The following PAX5 variants were observed in gnomAD, a reference collection of about 807,000 sequenced individuals.
PAX5 encodes paired box protein Pax-5.
Under a neutral mutation model 43.7 loss-of-function variants are expected in PAX5, and 9 were observed. The observed-to-expected ratio is 0.21, with a 90% CI of 0.12 to 0.36. PAX5 has a LOEUF of 0.36. Among genes scored for constraint, PAX5 ranks in the 10% least tolerant of loss-of-function variants. The pLI is 1.00. For synonymous variants in PAX5, 228 were observed against 214.3 expected (o/e 1.06, Z -0.56); for missense variants, 383 against 532.7 (o/e 0.72, Z 2.77).
At chr9:37,019,211 C>T (rs766186042) in intron 2 of PAX5, among the ~76,000 whole-genome samples, 2 of 152,080 alleles carry the variant, frequency 1.3e-5, no homozygotes, top group Non-Finnish European at 2.9e-5. Context: ...TTCTCTTTGT[C>T]TTCTTTTTCT....
chr9:36,928,794 C>T (rs1030526720), intron 6 of PAX5, among the ~76,000 whole-genome samples: 2 of 152,016 alleles, frequency 1.3e-5, no homozygotes, highest in African/African-American at 2.4e-5. Context: ...AACACTTTTA[C>T]GAGGCAAAAA....
Position 36,972,857 on chromosome 9 carries a change from G to A in PAX5, c.605-6133C>T, listed in dbSNP as rs1020616710. ...AGCCTGGCCAACATGGTGAAACCCC[G>A]TCTCTACTAAAAATAGAAAAATTAG... On this transcript the variant is annotated intron_variant, in intron 5 of 9. Transcript: ENST00000358127. Among the ~76,000 whole-genome samples the A allele has an allele frequency of 5.3e-5, 8 of 151,870 alleles. No homozygotes were observed. In the South Asian group the frequency reaches 8.3e-4, roughly 16 times the overall value.
At position 37,012,791 on chromosome 9, in the gene PAX5, T is replaced by C. The variant is rs552024829; in HGVS notation, c.410+2206A>G. ...GGAGTTCACAAACTCACTGGTTTGG[T>C]GTGTTACTTACGTTTTTCTAACATA... On this transcript the variant is annotated intron_variant, in intron 3 of 9. Transcript: ENST00000358127. Among the ~76,000 whole-genome samples the C allele has an allele frequency of 2.6e-5, 4 of 152,356 alleles. No individual in the cohort carries two copies. The South Asian group carries it at 8.3e-4, about 32-fold the overall frequency.
Position 36,833,510 on chromosome 9 carries a change from T to C in PAX5, c.*7050A>G, listed in dbSNP as rs1821423742. 4.3e-6 allele frequency: 1 copy of C among 232,956 alleles called. No homozygotes were observed. Among genetic ancestry groups the C allele is most frequent in the African/African-American group, 2.2e-5 (1 of 45,292 alleles). The allele number at this position is 232,956 out of a possible 1,614,324, so 14.4% of individuals were successfully genotyped here. On this transcript the variant is annotated 3_prime_UTR_variant, in exon 10 of 10. Transcript: ENST00000358127. ...TAAAAGGAAGCCACAAATTTCAGGT[T>C]TGACAAGGAAAAAAAAGTAAAAAAA...
chr9:36,897,887 T>C (rs1828008971), intron 7 of PAX5, among the ~76,000 whole-genome samples: 2 of 152,250 alleles, frequency 1.3e-5, no homozygotes, highest in Non-Finnish European at 2.9e-5. Flanking sequence ...AAGTCAGCCG[T>C]GTCCCTGGAG....
At chr9:36,902,558 C>T (rs1372999214) in intron 7 of PAX5, among the ~76,000 whole-genome samples, 1 of 152,188 alleles carries the variant, frequency 6.6e-6, no homozygotes, top group Non-Finnish European at 1.5e-5. Flanking sequence ...CACTGATGGG[C>T]CCAGCCCTTA....
intron 7 of PAX5, among the ~76,000 whole-genome samples, chr9:36,911,874 A>G (rs1434182671): frequency 6.6e-6 from 1 of 152,240 alleles, no homozygotes; most frequent in Non-Finnish European, 1.5e-5. Flanking sequence ...AGCCGAAACC[A>G]GCCTGGGCTC....
intron 6 of PAX5, among the ~76,000 whole-genome samples, chr9:36,937,567 G>T (rs1260956864): frequency 1.3e-5 from 2 of 152,156 alleles, no homozygotes; most frequent in African/African-American, 4.8e-5. Flanking sequence ...CCACCTGCTA[G>T]GCCAGGCTCC....
Position 37,015,445 on chromosome 9 carries a change from T to A in PAX5, c.213-251A>T, listed in dbSNP as rs570486290. On this transcript the variant is annotated intron_variant, in intron 2 of 9. Transcript: ENST00000358127. The surrounding 1 kb of genome is among the most constrained non-coding windows in gnomAD (Gnocchi z 4.4). ...AAGTAAAATATCTCAATAATTTTGA[T>A]ATTAGTTGTATGTTGAAATAACAAT... Among the ~76,000 whole-genome samples the A allele has an allele frequency of 3.3e-5, 5 of 152,354 alleles. No individual in the cohort carries two copies. The South Asian group carries it at 1.0e-3, about 32-fold the overall frequency.
intron 5 of PAX5, among the ~76,000 whole-genome samples, chr9:36,992,537 G>T (rs914682411): frequency 1.3e-5 from 2 of 152,220 alleles, no homozygotes; most frequent in Non-Finnish European, 2.9e-5. Context: ...CTGCTGGGAA[G>T]GGGAGAAGGC....
At chr9:36,975,833 C>T (rs538166344) in intron 5 of PAX5, among the ~76,000 whole-genome samples, 6 of 152,164 alleles carry the variant, frequency 3.9e-5, no homozygotes, top group Non-Finnish European at 7.3e-5. Flanking sequence ...GCTCAATAAA[C>T]GTTAGCTGTT....
intron 7 of PAX5, among the ~76,000 whole-genome samples, chr9:36,908,239 G>A (rs1172955975): frequency 6.6e-6 from 1 of 150,584 alleles, no homozygotes; most frequent in African/African-American, 2.4e-5. Context: ...TAAGAGAATG[G>A]TGAGAGATTA....
At chr9:36,907,022 C>T (rs959591921) in intron 7 of PAX5, among the ~76,000 whole-genome samples, 2 of 152,128 alleles carry the variant, frequency 1.3e-5, no homozygotes, top group African/African-American at 4.8e-5. Context: ...TCCCAGACCC[C>T]AGTGGGCGCC....
chr9:36,887,675 A>G (rs1023703262), intron 7 of PAX5, among the ~76,000 whole-genome samples: 1 of 152,216 alleles, frequency 6.6e-6, no homozygotes, highest in Non-Finnish European at 1.5e-5. Context: ...GTAGGAGTTA[A>G]AAGTACAAAA....
chr9:37,001,829 T>TTC (rs1837886438), intron 5 of PAX5, among the ~76,000 whole-genome samples: 1 of 128,456 alleles, frequency 7.8e-6, no homozygotes, highest in Non-Finnish European at 1.7e-5. Context: ...TTTTTTTTTT[T>TTC]TTTTTCTTTT....
At chr9:37,002,965 C>T in intron 4 of PAX5, 189 bp from the exon 5 acceptor site, 1 of 613,286 alleles carries the variant, frequency 1.6e-6, no homozygotes, top group East Asian at 3.0e-5. Flanking sequence ...GGGCCGTGTG[C>T]CCCAGTTCTC....
intron 6 of PAX5, among the ~76,000 whole-genome samples, chr9:36,950,258 TA>T (rs1232887058): frequency 6.6e-6 from 1 of 152,190 alleles, no homozygotes; most frequent in Non-Finnish European, 1.5e-5. Context: ...TGCACCTTCT[TA>T]AAAGCATTGA....
intron 7 of PAX5, among the ~76,000 whole-genome samples, chr9:36,911,376 G>C (rs900794095): frequency 6.6e-6 from 1 of 151,518 alleles, no homozygotes; most frequent in African/African-American, 2.4e-5. Context: ...GCCCAGGCTA[G>C]TCTCGAACTC....
chr9:36,859,263 T>A (rs900550540), intron 8 of PAX5, among the ~76,000 whole-genome samples: 8 of 152,076 alleles, frequency 5.3e-5, no homozygotes, highest in Admixed American at 5.2e-4. Flanking sequence ...GGCGCGCACA[T>A]AAATTACTTG....
Sources: gnomAD v4.1 joint callset for allele counts (sites outside exome capture counted in the v4.1 genomes callset) on GRCh38, gnomAD v4.1.1 for gene constraint, Gnocchi (gnomAD v3.1) non-coding constraint, MANE v1.5 for transcripts, NCBI Gene and HGNC (gene_info 2026-07-23, HGNC 2026-07-21) for gene names.